Variants in AKAP6 observed in about 807,000 individuals in gnomAD.
AKAP6 encodes A-kinase anchor protein 6.
Under a neutral mutation model 188.5 loss-of-function variants are expected in AKAP6, and 58 were observed. That is an observed-to-expected ratio of 0.31 (90% CI 0.25 to 0.38). The LOEUF is 0.38. Among genes scored for constraint, AKAP6 ranks in the 10% least tolerant of loss-of-function variants. AKAP6 has a pLI of 1.00. For synonymous variants in AKAP6, 989 were observed against 998.6 expected, an observed-to-expected ratio of 0.99 and a Z score of 0.18; for missense variants, 2,710 against 2,740.0, an observed-to-expected ratio of 0.99 and a Z score of 0.24.
intron 1 of AKAP6, among the ~76,000 whole-genome samples, chr14:32,401,114 C>T (rs996995406): frequency 6.6e-6 from 1 of 152,154 alleles, no homozygotes; most frequent in Non-Finnish European, 1.5e-5. Flanking sequence ...GGCCTCTTAC[C>T]TTCCTCGTGA....
In AKAP6 at chr14:32,678,331, C is replaced by T. The variant is rs762211300; in HGVS notation, c.2751C>T (p.Tyr917=). 7 of 1,612,438 alleles carry T rather than the reference C, an allele frequency of 4.3e-6. No individual in the cohort carries two copies. In the South Asian group the frequency reaches 5.5e-5, roughly 13 times the overall value. ...TCCAGGCTGAGGTTCAACTATGCTA[C>T]CTGGAAGCACAAAGAGATGCTGTTG... The part of the protein sequence containing the change: ...GSPKAEVQLC[Y]LEAQRDAVEQ... The change falls in exon 8 of 14, where the codon TAC becomes TAT. Residue 917 remains tyrosine (Y), a synonymous_variant. Coordinates refer to ENST00000280979, the MANE Select transcript of AKAP6 (RefSeq NM_004274.5).
intron 7 of AKAP6, 113 bp downstream of exon 7, chr14:32,600,905 T>TTATA (rs1417963067): frequency 1.0e-6 from 1 of 984,942 alleles, no homozygotes; most frequent in African/African-American, 1.7e-5. Flanking sequence ...TGGGTAAACT[T>TTATA]TATATCTCTC....
chr14:32,345,537 G>T (rs1887038864), intron 1 of AKAP6, among the ~76,000 whole-genome samples: 1 of 152,212 alleles, frequency 6.6e-6, no homozygotes, highest in Admixed American at 6.5e-5. Flanking sequence ...CCCTGTATCT[G>T]TGATGAGTTG....
chr14:32,674,073 G>C (rs535477987), intron 7 of AKAP6, among the ~76,000 whole-genome samples: 24 of 152,310 alleles, frequency 1.6e-4, no homozygotes, highest in Admixed American at 1.2e-3. Flanking sequence ...AAGATGAGAA[G>C]ACATTAGCAA....
chr14:32,495,788 C>T (rs1237665907), intron 2 of AKAP6, among the ~76,000 whole-genome samples: 1 of 152,058 alleles, frequency 6.6e-6, no homozygotes, highest in African/African-American at 2.4e-5. Context: ...TAGTATATTC[C>T]AGAACATATG....
intron 12 of AKAP6, among the ~76,000 whole-genome samples, chr14:32,775,253 G>A (rs935781641): frequency 7.2e-5 from 11 of 152,188 alleles, no homozygotes; most frequent in Middle Eastern, 3.4e-3. Flanking sequence ...GCCTGTAATC[G>A]TGGTAGTGGC....
At chr14:32,776,840 A>T (rs997381855) in intron 12 of AKAP6, among the ~76,000 whole-genome samples, 4 of 152,162 alleles carry the variant, frequency 2.6e-5, no homozygotes, top group African/African-American at 7.2e-5. Context: ...CTCTAAGTGG[A>T]GTCTAAGGAG....
In AKAP6 at chr14:32,546,729, G is replaced by A. The variant is rs528910862; in HGVS notation, c.2076G>A (p.Arg692=). ...PTYHVKKKHT[R]LGRVSPSSSS... is the part of the protein sequence containing the mutation. ...ATCATGTCAAAAAGAAGCATACAAG[G>A]CTAGGCAGGGTGTCTCCAAGCTCAT... The change falls in exon 4 of 14, where the codon AGG becomes AGA. Residue 692 remains arginine, a synonymous_variant. Coordinates refer to ENST00000280979, the MANE Select transcript of AKAP6 (RefSeq NM_004274.5). 1.2e-6 allele frequency: 2 copies of A among 1,614,070 alleles called. No homozygotes were observed. Among genetic ancestry groups the A allele is most frequent in the African/African-American group, 2.7e-5 (2 of 75,008 alleles).
Position 32,822,010 on chromosome 14 carries a change from C to A in AKAP6, c.4197C>A (p.Asp1399Glu). 1 of 1,613,848 alleles carries A rather than the reference C, an allele frequency of 6.2e-7. No individual in the cohort carries two copies. The highest frequency in any genetic ancestry group is 8.5e-7 in the Non-Finnish European group (1 of 1,179,928). ...GTAACCTTGAAACTGAACATCTGGACCCACAAATGGGAGATGCAGTTAACG... is the reference window on the plus strand; with the variant it reads ...GTAACCTTGAAACTGAACATCTGGAACCACAAATGGGAGATGCAGTTAACG... The part of the protein sequence containing the change: ...SPSNLETEHL[D>E]PQMGDAVNVL... Residue 1399 changes from aspartate (D) to glutamate (E), a missense_variant, in exon 13 of 14, where the codon GAC becomes GAA. Coordinates refer to ENST00000280979, the MANE Select transcript of AKAP6 (RefSeq NM_004274.5).
intron 12 of AKAP6, among the ~76,000 whole-genome samples, chr14:32,781,826 T>C (rs2033259294): frequency 6.6e-6 from 1 of 152,108 alleles, no homozygotes; most frequent in Non-Finnish European, 1.5e-5. Flanking sequence ...AAAAAGCATT[T>C]GCCAAAATCC....
At position 32,495,659 on chromosome 14, in the gene AKAP6, G is replaced by A. The variant is rs571038665; in HGVS notation, c.325-39895G>A. On this transcript the variant is annotated intron_variant, in intron 2 of 13. Coordinates refer to ENST00000280979, the MANE Select transcript of AKAP6 (RefSeq NM_004274.5). ...ACACAAAGTGCGACTTATCTGGCGCGTGGTAAAATGCATCTTTAAAATTTA... is the reference window on the plus strand; with the variant it reads ...ACACAAAGTGCGACTTATCTGGCGCATGGTAAAATGCATCTTTAAAATTTA... 2.5e-4 allele frequency among the ~76,000 whole-genome samples: 38 copies of A among 152,276 alleles called. 1 individual carries two copies. The South Asian group carries it at 6.0e-3, about 24-fold the overall frequency.
At chr14:32,793,078 G>T (rs1057434036) in intron 12 of AKAP6, among the ~76,000 whole-genome samples, 1 of 152,086 alleles carries the variant, frequency 6.6e-6, no homozygotes, top group Admixed American at 6.6e-5. Flanking sequence ...AAAACACACT[G>T]AAGTACACAG....
chr14:32,463,421 A>C (rs1277988609), intron 2 of AKAP6, among the ~76,000 whole-genome samples: 5 of 152,248 alleles, frequency 3.3e-5, no homozygotes, highest in African/African-American at 1.2e-4. Flanking sequence ...CAGTGAAATC[A>C]AATTAGAGCT....
intron 1 of AKAP6, among the ~76,000 whole-genome samples, chr14:32,355,920 G>A (rs1038671847): frequency 3.3e-5 from 5 of 151,788 alleles, no homozygotes; most frequent in African/African-American, 9.7e-5. Flanking sequence ...GATTACAGGC[G>A]CCTGCCACCA....
At chr14:32,432,418 CTTATG>C (rs1178980325) in intron 1 of AKAP6, among the ~76,000 whole-genome samples, 1 of 152,124 alleles carries the variant, frequency 6.6e-6, no homozygotes, top group Non-Finnish European at 1.5e-5. Context: ...ATGAATTACA[CTTATG>C]TTATTTTAAC....
At chr14:32,813,291 T>C (rs1054567514) in intron 12 of AKAP6, among the ~76,000 whole-genome samples, 2 of 152,156 alleles carry the variant, frequency 1.3e-5, no homozygotes, top group Non-Finnish European at 2.9e-5. Context: ...TTTCTCCAGG[T>C]ACCTTACCCA....
chr14:32,485,413 A>G (rs1879629164), intron 2 of AKAP6, among the ~76,000 whole-genome samples: 3 of 152,036 alleles, frequency 2.0e-5, no homozygotes, highest in African/African-American at 7.3e-5. Flanking sequence ...GGTTGAAATA[A>G]TTTACACTCC....
chr14:32,492,382 A>AGAGAGT (rs1488889081), intron 2 of AKAP6, among the ~76,000 whole-genome samples: 1 of 143,342 alleles, frequency 7.0e-6, no homozygotes, highest in African/African-American at 2.6e-5. Context: ...AGAGAGAGAG[A>AGAGAGT]GGCATTTGGA....
At chr14:32,818,379 G>A (rs1483356609) in intron 12 of AKAP6, among the ~76,000 whole-genome samples, 1 of 152,008 alleles carries the variant, frequency 6.6e-6, no homozygotes, top group Non-Finnish European at 1.5e-5. Context: ...CCAAGTCTCT[G>A]ATATAAAATG....
Sources: allele counts gnomAD v4.1 joint callset (sites outside exome capture counted in the v4.1 genomes callset), GRCh38; gene constraint gnomAD v4.1.1; transcripts MANE v1.5; gene names NCBI Gene and HGNC (gene_info 2026-07-23, HGNC 2026-07-21).